Variants in TBL1XR1 observed in about 807,000 individuals in gnomAD.
TBL1XR1 encodes the protein F-box-like/WD repeat-containing protein TBL1XR1.
TBL1XR1 carries 5 observed loss-of-function variants against 66.9 expected under a neutral mutation model. That is an observed-to-expected ratio of 0.07 (90% CI 0.04 to 0.16). The LOEUF (loss-of-function observed/expected upper bound fraction) is 0.16, where lower values mean the gene tolerates loss of function less well. TBL1XR1 is among the 10% of genes least tolerant of loss of function. TBL1XR1 has a pLI of 1.00. For synonymous variants in TBL1XR1, 210 were observed against 206.0 expected, an observed-to-expected ratio of 1.02 and a Z score of -0.17; for missense variants, 238 against 623.2, an observed-to-expected ratio of 0.38 and a Z score of 6.58.
intron 1 of TBL1XR1, among the ~76,000 whole-genome samples, chr3:177,150,782 G>A (rs979617626): frequency 4.6e-5 from 7 of 152,180 alleles, no homozygotes; most frequent in Non-Finnish European, 8.8e-5. Flanking sequence ...TAAGGACGCT[G>A]ACATAATTCC....
chr3:177,124,208 A>AC (rs1252485117), intron 1 of TBL1XR1, among the ~76,000 whole-genome samples: 1 of 152,010 alleles, frequency 6.6e-6, no homozygotes, highest in Non-Finnish European at 1.5e-5. Context: ...GTTTTCCCTC[A>AC]CTTTCCTTCC....
At chr3:177,170,338 C>A (rs998972996) in intron 1 of TBL1XR1, among the ~76,000 whole-genome samples, 1 of 152,178 alleles carries the variant, frequency 6.6e-6, no homozygotes, top group African/African-American at 2.4e-5. Flanking sequence ...AAATTACTAT[C>A]CCTGGCGGTC....
chr3:177,092,146 G>C (rs1343596326), intron 2 of TBL1XR1, among the ~76,000 whole-genome samples: 1 of 152,172 alleles, frequency 6.6e-6, no homozygotes, highest in African/African-American at 2.4e-5. Flanking sequence ...ATGCTCCAAT[G>C]AGTATTTCCT....
rs1712679832 is a variant in TBL1XR1, at chr3:177,023,638, C to T, written c.*1860G>A. 1 of 152,498 alleles carries T rather than the reference C, an allele frequency of 6.6e-6. No individual in the cohort carries two copies. Among genetic ancestry groups the T allele is most frequent in the African/African-American group, 2.4e-5 (1 of 41,448 alleles). The allele number at this position is 152,498 out of a possible 1,614,324, so 9.4% of individuals were successfully genotyped here. ...AAATTAAGTGTATTTATTCTCTTTA[C>T]CAATAGCAAATGCTACCCTACCTTA... On this transcript the variant is annotated 3_prime_UTR_variant, in exon 16 of 16. Transcript: ENST00000457928.
chr3:177,112,084 T>C (rs1460962043), intron 1 of TBL1XR1, among the ~76,000 whole-genome samples: 1 of 41,610 alleles, frequency 2.4e-5, no homozygotes, highest in Non-Finnish European at 4.4e-5. Flanking sequence ...AATATATATA[T>C]ATATATATAT....
chr3:177,131,870 T>G (rs538362383), intron 1 of TBL1XR1, among the ~76,000 whole-genome samples: 1 of 150,892 alleles, frequency 6.6e-6, no homozygotes, highest in East Asian at 1.9e-4. Flanking sequence ...AAGACAAGAT[T>G]CCTGCTCTAC....
At position 177,030,710 on chromosome 3, in the gene TBL1XR1, T is replaced by C. The variant is rs566164394; in HGVS notation, c.1416+2261A>G. Among the ~76,000 whole-genome samples, 5 of 152,336 alleles carry C rather than the reference T, an allele frequency of 3.3e-5. No homozygotes were observed. The East Asian group carries it at 9.6e-4, about 29-fold the overall frequency. ...TTTTCTGTTTGAAATGTATAATTAT[T>C]AAAAGTGAAAATGAACAAATACTAA... On this transcript the variant is annotated intron_variant, in intron 14 of 15. Transcript: ENST00000457928.
At chr3:177,074,313 C>T (rs1720417251) in intron 2 of TBL1XR1, among the ~76,000 whole-genome samples, 1 of 152,158 alleles carries the variant, frequency 6.6e-6, no homozygotes, top group Admixed American at 6.5e-5. Flanking sequence ...CTGACTGCAT[C>T]AATAATTGCT....
At chr3:177,108,023 CA>C (rs367992515) in intron 1 of TBL1XR1, among the ~76,000 whole-genome samples, 2,716 of 145,106 alleles carry the variant, frequency 0.019, 41 homozygotes, top group African/African-American at 0.02. Flanking sequence ...AAACTTTATT[CA>C]AAAAAAAAAA....
intron 1 of TBL1XR1, among the ~76,000 whole-genome samples, chr3:177,169,903 G>C (rs1352965117): frequency 6.6e-6 from 1 of 152,102 alleles, no homozygotes; most frequent in African/African-American, 2.4e-5. Context: ...TTATTGATCA[G>C]CAGTATCAGC....
chr3:177,128,376 C>CT (rs1727896770), intron 1 of TBL1XR1, among the ~76,000 whole-genome samples: 4 of 152,078 alleles, frequency 2.6e-5, no homozygotes, highest in African/African-American at 9.7e-5. Flanking sequence ...GAGCAAGCAT[C>CT]TTTTCTGCTT....
chr3:177,137,158 T>C (rs1308214869), intron 1 of TBL1XR1, among the ~76,000 whole-genome samples: 2 of 152,218 alleles, frequency 1.3e-5, no homozygotes, highest in African/African-American at 4.8e-5. Flanking sequence ...GATTAATTCT[T>C]CTAAGGCACT....
At chr3:177,166,328 A>G (rs1372816259) in intron 1 of TBL1XR1, among the ~76,000 whole-genome samples, 2 of 152,216 alleles carry the variant, frequency 1.3e-5, no homozygotes, top group African/African-American at 2.4e-5. Context: ...TTTTAAAAAT[A>G]GGCCAAGAAT....
chr3:177,085,870 C>T (rs557773154), intron 2 of TBL1XR1, among the ~76,000 whole-genome samples: 2 of 152,282 alleles, frequency 1.3e-5, no homozygotes, highest in African/African-American at 2.4e-5. Context: ...CGATTCACCT[C>T]TACACAATCT....
intron 13 of TBL1XR1, among the ~76,000 whole-genome samples, chr3:177,033,553 C>T (rs1309294021): frequency 1.3e-5 from 2 of 151,654 alleles, no homozygotes; most frequent in Non-Finnish European, 2.9e-5. Flanking sequence ...TGCTATGCCT[C>T]AATTGCTTGG....
intron 1 of TBL1XR1, among the ~76,000 whole-genome samples, chr3:177,190,082 A>G (rs1735946864): frequency 7.0e-6 from 1 of 143,544 alleles, no homozygotes; most frequent in Non-Finnish European, 1.5e-5. Flanking sequence ...TCAGTGAGCC[A>G]AGCATGTGCC....
At chr3:177,141,656 C>G in intron 1 of TBL1XR1, among the ~76,000 whole-genome samples, 2 of 152,160 alleles carry the variant, frequency 1.3e-5, no homozygotes, top group East Asian at 3.9e-4. Context: ...TCTGTTCCAT[C>G]TGGTTGGTTC....
intron 3 of TBL1XR1, among the ~76,000 whole-genome samples, chr3:177,060,168 G>A (rs1718329665): frequency 6.6e-6 from 1 of 152,118 alleles, no homozygotes; most frequent in Admixed American, 6.5e-5. Context: ...GTGATTGTGT[G>A]AGTCAATTCC....
Position 177,084,087 on chromosome 3 carries a change from C to CAA in TBL1XR1, c.-46+14377_-46+14378dup, listed in dbSNP as rs36022409. On this transcript the variant is annotated intron_variant, in intron 2 of 15. Transcript: ENST00000457928. ...TGGGAGACAGGGCGAGACTCCGTCT[C>CAA]AAAAAAAAAAAAAAAGAAAAAAGAA... Among the ~76,000 whole-genome samples the CAA allele has an allele frequency of 3.7e-3, 274 of 73,934 alleles. 6 individuals carry two copies. Among genetic ancestry groups the CAA allele is most frequent in the South Asian group, 0.018 (53 of 2,886 alleles). The allele number at this position is 73,934 out of a possible 152,430, so 48.5% of individuals were successfully genotyped here.
Sources: allele counts gnomAD v4.1 joint callset (sites outside exome capture counted in the v4.1 genomes callset), GRCh38; gene constraint gnomAD v4.1.1; transcripts MANE v1.5; gene names NCBI Gene and HGNC (gene_info 2026-07-23, HGNC 2026-07-21).